Variants in HLA-DOA observed in about 807,000 individuals in gnomAD.
HLA-DOA encodes the protein major histocompatibility complex, class II, DO alpha.
Under a neutral mutation model 22.9 loss-of-function variants are expected in HLA-DOA, and 27 were observed. The ratio of observed to expected loss-of-function variants is 1.18; its 90% CI spans 0.87 to 1.62. The LOEUF is 1.62. Ranked by LOEUF, HLA-DOA falls within the 40% of genes most tolerant of loss-of-function variation. The pLI, the probability that HLA-DOA is intolerant of heterozygous loss-of-function variation, is 0.00. For synonymous variants in HLA-DOA, 137 were observed against 138.6 expected (o/e 0.99, Z 0.08); for missense variants, 324 against 332.4 (o/e 0.97, Z 0.20).
rs530985114 is a variant in HLA-DOA, at chr6:33,009,435, C to T, written c.82+20G>A. On this transcript the variant is annotated intron_variant, in intron 1 of 4. Transcript: ENST00000229829. The surrounding 1 kb of genome is among the most constrained non-coding windows in gnomAD (Gnocchi z 4.8). ...GTAAATCTCTGCTCCCCGCCGCACC[C>T]TCCTCGCCCTCGCACTCACCCTTGG... 10 of 1,557,206 alleles carry T rather than the reference C, an allele frequency of 6.4e-6. No individual in the cohort carries two copies. The highest frequency in any genetic ancestry group is 8.7e-6 in the Non-Finnish European group (10 of 1,151,012).
chr6:33,007,688 G>T, intron 2 of HLA-DOA, 96 bp from the exon 3 acceptor site: 2 of 1,387,726 alleles, frequency 1.4e-6, no homozygotes, highest in Non-Finnish European at 2.0e-6. Context: ...GTAGCCATCT[G>T]TGGGCAGGGG....
Sources: allele counts gnomAD v4.1 joint callset, GRCh38; gene constraint gnomAD v4.1.1; non-coding constraint Gnocchi (gnomAD v3.1); transcripts MANE v1.5; gene names NCBI Gene and HGNC (gene_info 2026-07-23, HGNC 2026-07-21).